OTOGL: variants seen among roughly 807,000 people sequenced by gnomAD.
OTOGL encodes the protein otogelin like.
OTOGL carries 285 observed loss-of-function variants against 318.5 expected under a neutral mutation model. That is an observed-to-expected ratio of 0.89 (90% CI 0.81 to 0.99). The LOEUF (loss-of-function observed/expected upper bound fraction) is 0.99. OTOGL is among the 50% of genes least tolerant of loss of function. The pLI, the probability that OTOGL is intolerant of heterozygous loss-of-function variation, is 0.00. For synonymous variants in OTOGL, 987 were observed against 936.5 expected (o/e 1.05, Z -0.99); for missense variants, 2,899 against 2,845.6 (o/e 1.02, Z -0.43).
intron 28 of OTOGL, among the ~76,000 whole-genome samples, chr12:80,303,760 C>T (rs1323993590): frequency 6.6e-6 from 1 of 152,092 alleles, no homozygotes; most frequent in Non-Finnish European, 1.5e-5. Context: ...TGAGAACTCC[C>T]TCACTATCAC....
chr12:80,301,808 A>G (rs1447999863), intron 27 of OTOGL, among the ~76,000 whole-genome samples: 1 of 152,212 alleles, frequency 6.6e-6, no homozygotes, highest in African/African-American at 2.4e-5. Flanking sequence ...CTGAAACCAT[A>G]GATAGTAGCA....
intron 11 of OTOGL, among the ~76,000 whole-genome samples, chr12:80,241,794 G>C (rs1880401831): frequency 6.6e-6 from 1 of 152,110 alleles, no homozygotes; most frequent in Non-Finnish European, 1.5e-5. Context: ...TAGTGGTCTT[G>C]GATTGGCATC....
intron 1 of OTOGL, among the ~76,000 whole-genome samples, chr12:80,116,318 C>T (rs1870162127): frequency 6.6e-6 from 1 of 151,984 alleles, no homozygotes; most frequent in African/African-American, 2.4e-5. Flanking sequence ...TCCCCGACCC[C>T]TTGTACTTCC....
intron 32 of OTOGL, among the ~76,000 whole-genome samples, chr12:80,315,697 G>T (rs1304053412): frequency 6.6e-6 from 1 of 152,036 alleles, no homozygotes; most frequent in Non-Finnish European, 1.5e-5. Flanking sequence ...TAATTTTAGA[G>T]AAAAAGAGAT....
At chr12:80,299,445 GTGT>G (rs1163165329) in intron 27 of OTOGL, among the ~76,000 whole-genome samples, 2 of 151,948 alleles carry the variant, frequency 1.3e-5, no homozygotes, top group Non-Finnish European at 2.9e-5. Context: ...TTGTATGTAG[GTGT>G]TAATGAATCT....
At chr12:80,248,458 C>A (rs1341696089) in intron 11 of OTOGL, among the ~76,000 whole-genome samples, 1 of 144,206 alleles carries the variant, frequency 6.9e-6, no homozygotes, top group Non-Finnish European at 1.5e-5. Flanking sequence ...TTCTGGGTTG[C>A]AAATTCTTTT....
At chr12:80,289,658 G>A (rs778359846) in intron 26 of OTOGL, among the ~76,000 whole-genome samples, 18 of 152,174 alleles carry the variant, frequency 1.2e-4, no homozygotes, top group African/African-American at 2.4e-4. Flanking sequence ...GATGTGTTCC[G>A]CCCAGTCCAA....
At chr12:80,365,018 C>T (rs976236296) in intron 52 of OTOGL, among the ~76,000 whole-genome samples, 1 of 152,002 alleles carries the variant, frequency 6.6e-6, no homozygotes, top group African/African-American at 2.4e-5. Context: ...ATTTACAAGG[C>T]TGTGGAGAAA....
In OTOGL at chr12:80,210,954, G is replaced by C. The variant is rs1397684755; in HGVS notation, c.119+68G>C. 5.6e-6 allele frequency: 6 copies of C among 1,074,968 alleles called. 1 individual carries two copies. In the South Asian group the frequency reaches 9.3e-5, roughly 17 times the overall value. 66.6% of individuals were successfully genotyped at this position (1,074,968 alleles called of 1,614,324 possible). A position where few individuals can be genotyped will look rare whatever the true frequency, so the allele number is the denominator to read the frequency against. ...AATGGGAATGAGCAAACCTCAGCAG[G>C]CAACTATATCTGCTTTTGAAAAAAA... On this transcript the variant is annotated intron_variant, in intron 3 of 58. Coordinates refer to ENST00000547103, the MANE Select transcript of OTOGL (RefSeq NM_001378609.3).
chr12:80,294,759 T>G (rs1885268871), intron 26 of OTOGL, among the ~76,000 whole-genome samples: 1 of 152,148 alleles, frequency 6.6e-6, no homozygotes, highest in South Asian at 2.1e-4. Flanking sequence ...ATTGCCAGTG[T>G]TGTGAAAAAC....
chr12:80,252,981 A>T (rs564171362), intron 13 of OTOGL, among the ~76,000 whole-genome samples: 1 of 152,232 alleles, frequency 6.6e-6, no homozygotes, highest in Non-Finnish European at 1.5e-5. Context: ...GTGCTTAGTA[A>T]CATGGCTGAT....
At chr12:80,267,408 T>C (rs1883070995) in intron 22 of OTOGL, 81 bp downstream of exon 22, 1 of 466,078 alleles carries the variant, frequency 2.1e-6, no homozygotes, top group South Asian at 7.3e-5. Context: ...TATATATATA[T>C]TTTTTTATTA....
At chr12:80,226,935 C>G (rs11831811) in intron 7 of OTOGL, among the ~76,000 whole-genome samples, 3,363 of 152,208 alleles carry the variant, frequency 0.022, 129 homozygotes, top group African/African-American at 0.076. Flanking sequence ...AATTCACTCT[C>G]ATTTCTGATC....
At position 80,213,282 on chromosome 12, in the gene OTOGL, C is replaced by T. The variant is rs193157809; in HGVS notation, c.168+1285C>T. Among the ~76,000 whole-genome samples, 24 of 152,278 alleles carry T rather than the reference C, an allele frequency of 1.6e-4. 1 individual carries two copies. Among genetic ancestry groups the T allele is most frequent in the Admixed American group, 1.2e-3 (18 of 15,310 alleles). On this transcript the variant is annotated intron_variant, in intron 4 of 58. Coordinates refer to ENST00000547103, the MANE Select transcript of OTOGL (RefSeq NM_001378609.3). ...TGGCGTTGGTGGGAGTGTCTTTTAGCATGTTAATGCATTATAACTAGAGTA... is the reference window on the plus strand; with the variant it reads ...TGGCGTTGGTGGGAGTGTCTTTTAGTATGTTAATGCATTATAACTAGAGTA...
intron 11 of OTOGL, among the ~76,000 whole-genome samples, chr12:80,251,125 T>C (rs567698274): frequency 6.6e-6 from 1 of 152,228 alleles, no homozygotes; most frequent in Non-Finnish European, 1.5e-5. Flanking sequence ...GTGGCACATA[T>C]ACATCATGGA....
intron 26 of OTOGL, 132 bp from the exon 27 acceptor site, chr12:80,296,695 T>C: frequency 1.7e-6 from 1 of 599,080 alleles, no homozygotes; most frequent in Non-Finnish European, 2.3e-6. Context: ...AAATGACTTT[T>C]TATTTTAGAG....
chr12:80,152,642 C>T (rs559360772), intron 1 of OTOGL, among the ~76,000 whole-genome samples: 8 of 152,210 alleles, frequency 5.3e-5, no homozygotes, highest in South Asian at 2.1e-4. Flanking sequence ...CAAATCCAAT[C>T]GCCTGTTGCA....
chr12:80,318,590 G>A lies in OTOGL; in HGVS notation c.3679G>A (p.Gly1227Ser). ...PYMLASYGQS[G>S]LVLGANMTSR... ...TATGCTGGCAAGCTATGGGCAGAGT[G>A]GCCTTGTTCTGGGGGCCAATATGAC... The change falls in exon 33 of 59, where the codon GGC becomes AGC. Residue 1227 changes from glycine (G) to serine (S), a missense_variant. By Grantham distance (56) the Gly-to-Ser change is moderately conservative. Coordinates refer to ENST00000547103, the MANE Select transcript of OTOGL (RefSeq NM_001378609.3). 7.0e-7 allele frequency: 1 copy of A among 1,434,674 alleles called. No individual in the cohort carries two copies. The highest frequency in any genetic ancestry group is 1.6e-5 in the South Asian group (1 of 62,156). 88.9% of individuals were successfully genotyped at this position (1,434,674 alleles called of 1,614,324 possible).
At chr12:80,146,865 T>C (rs1258878746) in intron 1 of OTOGL, among the ~76,000 whole-genome samples, 3 of 152,122 alleles carry the variant, frequency 2.0e-5, no homozygotes, top group Non-Finnish European at 2.9e-5. Context: ...TGTAGTATTC[T>C]CTGATGGTAG....
Sources: gnomAD v4.1 joint callset for allele counts (sites outside exome capture counted in the v4.1 genomes callset) on GRCh38, gnomAD v4.1.1 for gene constraint, MANE v1.5 for transcripts, NCBI Gene and HGNC (gene_info 2026-07-23, HGNC 2026-07-21) for gene names.